SLC16A12: variants seen among roughly 807,000 people sequenced by gnomAD.
SLC16A12 encodes monocarboxylate transporter 12.
In SLC16A12, 17 loss-of-function variants were observed where a neutral mutation model predicts 42.4. That is an observed-to-expected ratio of 0.40 (90% CI 0.27 to 0.60). The LOEUF (loss-of-function observed/expected upper bound fraction) is 0.60. Among genes scored for constraint, SLC16A12 ranks in the 20% least tolerant of loss-of-function variants. The pLI is 0.42. For synonymous variants in SLC16A12, 224 were observed against 229.4 expected, an observed-to-expected ratio of 0.98 and a Z score of 0.21; for missense variants, 544 against 623.0, an observed-to-expected ratio of 0.87 and a Z score of 1.35.
intron 2 of SLC16A12, among the ~76,000 whole-genome samples, chr10:89,530,488 G>A (rs1843528710): frequency 6.6e-6 from 1 of 151,600 alleles, no homozygotes; most frequent in African/African-American, 2.4e-5. Flanking sequence ...CGGGATCTTG[G>A]CTCACTGCAA....
At chr10:89,522,476 A>G (rs1380540112) in intron 2 of SLC16A12, among the ~76,000 whole-genome samples, 1 of 152,198 alleles carries the variant, frequency 6.6e-6, no homozygotes, top group African/African-American at 2.4e-5. Flanking sequence ...ACACCCAAAC[A>G]TTTCCACTTC....
At chr10:89,466,375 G>C (rs1354047615) in intron 2 of SLC16A12, among the ~76,000 whole-genome samples, 5 of 152,122 alleles carry the variant, frequency 3.3e-5, no homozygotes, top group Admixed American at 1.3e-4. Context: ...CTTTCATGAG[G>C]CTCACATCCT....
intron 2 of SLC16A12, among the ~76,000 whole-genome samples, chr10:89,542,459 C>G (rs540279427): frequency 6.6e-6 from 1 of 151,910 alleles, no homozygotes; most frequent in Non-Finnish European, 1.5e-5. Context: ...TGCACCACCA[C>G]GTCTGGGTAA....
intron 7 of SLC16A12, 96 bp downstream of exon 7, chr10:89,435,964 T>C (rs1841777041): frequency 1.3e-6 from 2 of 1,547,212 alleles, no homozygotes; most frequent in East Asian, 2.3e-5. Flanking sequence ...CCCAACTCTC[T>C]TGACAGTCCT....
At chr10:89,528,199 C>A (rs1305703101) in intron 2 of SLC16A12, among the ~76,000 whole-genome samples, 1 of 151,946 alleles carries the variant, frequency 6.6e-6, no homozygotes, top group African/African-American at 2.4e-5. Flanking sequence ...AGACCCTGTC[C>A]CAAGATAACC....
intron 1 of SLC16A12, among the ~76,000 whole-genome samples, chr10:89,535,231 C>T (rs989759267): frequency 4.6e-5 from 7 of 152,090 alleles, no homozygotes; most frequent in Non-Finnish European, 1.5e-5. Flanking sequence ...TCGGCCGCAG[C>T]GCAGACCCAA....
intron 3 of SLC16A12, among the ~76,000 whole-genome samples, chr10:89,453,769 G>A (rs1430155180): frequency 6.6e-6 from 1 of 152,004 alleles, no homozygotes; most frequent in Non-Finnish European, 1.5e-5. Flanking sequence ...CTTACCCGAA[G>A]GCTTCTCAGT....
chr10:89,529,887 A>G (rs1843516242), intron 2 of SLC16A12, among the ~76,000 whole-genome samples: 1 of 152,152 alleles, frequency 6.6e-6, no homozygotes, highest in African/African-American at 2.4e-5. Flanking sequence ...TATCTATAAG[A>G]GGCTCATAGA....
intron 2 of SLC16A12, 78 bp from the exon 3 acceptor site, chr10:89,462,702 G>T (rs968798736): frequency 2.8e-6 from 4 of 1,404,856 alleles, no homozygotes; most frequent in African/African-American, 1.5e-5. Flanking sequence ...GGTAAGACAT[G>T]ATTATTACTT....
At chr10:89,452,660 G>C (rs894103325) in intron 3 of SLC16A12, among the ~76,000 whole-genome samples, 2 of 152,166 alleles carry the variant, frequency 1.3e-5, no homozygotes, top group Non-Finnish European at 2.9e-5. Context: ...AAATGGAACA[G>C]TGTGGTGAGC....
intron 2 of SLC16A12, among the ~76,000 whole-genome samples, chr10:89,486,608 AAAGAAAGAAAGAAAGAAAG>A (rs1842749530): frequency 3.0e-4 from 12 of 40,278 alleles, no homozygotes; most frequent in African/African-American, 7.8e-4. Context: ...AAAAAAAAAG[AAAGAAAGAAAGAAAGAAAG>A]AAAGAAAGAA....
intron 3 of SLC16A12, among the ~76,000 whole-genome samples, chr10:89,461,389 C>T (rs1842297033): frequency 6.6e-6 from 1 of 152,082 alleles, no homozygotes; most frequent in Non-Finnish European, 1.5e-5. Flanking sequence ...TTAATGAGCC[C>T]TAGGGAGCCA....
rs371692556 is a variant in SLC16A12 at position 89,480,586 on chromosome 10, C to CA, written c.-46-17963dup. 4.5e-4 allele frequency among the ~76,000 whole-genome samples: 68 copies of CA among 151,946 alleles called. 1 individual carries two copies. Among genetic ancestry groups the CA allele is most frequent in the African/African-American group, 1.5e-3 (64 of 41,446 alleles). ...GCTATACAGGAGCATATAGTAGGTA[C>CA]AAAAAAATGCTTAACTAAGTTATTA... On this transcript the variant is annotated intron_variant, in intron 2 of 7. Transcript: ENST00000371790.
intron 3 of SLC16A12, among the ~76,000 whole-genome samples, chr10:89,444,732 G>C (rs1436488588): frequency 6.6e-6 from 1 of 152,224 alleles, no homozygotes; most frequent in African/African-American, 2.4e-5. Context: ...TGAGGTACCT[G>C]GTTCATCTCA....
chr10:89,534,644 C>CAAAAAAAAAAAAAAAA lies in SLC16A12; in HGVS notation c.-186-20_-186-5dup, dbSNP rs55935286. 1.1e-4 allele frequency: 6 copies of CAAAAAAAAAAAAAAAA among 52,278 alleles called. No homozygotes were observed. The highest frequency in any genetic ancestry group is 5.1e-4 in the African/African-American group (5 of 9,826). The allele number at this position is 52,278 out of a possible 1,614,324, so 3.2% of individuals were successfully genotyped here. ...CCAATATGTCGAAATCCTGTATCTG[C>CAAAAAAAAAAAAAAAA]AAAAAAAAAAAAAAAAAAAAAAAAA... On this transcript the variant is annotated splice_region_variant and splice_polypyrimidine_tract_variant and intron_variant, in intron 1 of 7. Transcript: ENST00000371790.
chr10:89,490,663 C>G (rs1842832558), intron 2 of SLC16A12, among the ~76,000 whole-genome samples: 1 of 152,192 alleles, frequency 6.6e-6, no homozygotes, highest in Non-Finnish European at 1.5e-5. Flanking sequence ...CCTAGCAACT[C>G]CATGTGTTCA....
At chr10:89,508,352 A>C (rs1373434869) in intron 2 of SLC16A12, among the ~76,000 whole-genome samples, 1 of 152,228 alleles carries the variant, frequency 6.6e-6, no homozygotes, top group Non-Finnish European at 1.5e-5. Context: ...GCAAATGTAA[A>C]AGAACAGAAA....
upstream of SLC16A12, among the ~76,000 whole-genome samples, chr10:89,538,364 A>G (rs757760045): frequency 6.6e-6 from 1 of 152,252 alleles, no homozygotes; most frequent in Non-Finnish European, 1.5e-5. Context: ...TTAATTAATT[A>G]TAATCGTAAT....
intron 3 of SLC16A12, among the ~76,000 whole-genome samples, chr10:89,456,801 GT>G (rs1476144215): frequency 6.6e-6 from 1 of 152,110 alleles, no homozygotes; most frequent in African/African-American, 2.4e-5. Flanking sequence ...AACACAGAGT[GT>G]TTGGTTTTCT....
Sources: gnomAD v4.1 joint callset for allele counts (sites outside exome capture counted in the v4.1 genomes callset) on GRCh38, gnomAD v4.1.1 for gene constraint, MANE v1.5 for transcripts, NCBI Gene and HGNC (gene_info 2026-07-23, HGNC 2026-07-21) for gene names.